The following PCDHA6 variants were observed in gnomAD, a reference collection of about 807,000 sequenced individuals.
PCDHA6 encodes protocadherin alpha-6.
A neutral mutation model predicts 60.3 loss-of-function variants in PCDHA6; 55 were observed. The observed-to-expected ratio is 0.91, with a 90% CI of 0.73 to 1.14. PCDHA6 has a LOEUF of 1.14. Among genes scored for constraint, PCDHA6 ranks in the 50% most tolerant of loss-of-function variants. The pLI is 0.00. For synonymous variants in PCDHA6, 652 were observed against 557.9 expected (o/e 1.17, Z -2.38); for missense variants, 1,327 against 1,256.5 (o/e 1.06, Z -0.85).
intron 3 of PCDHA6, among the ~76,000 whole-genome samples, chr5:140,985,991 A>G (rs575854221): frequency 2.7e-4 from 41 of 152,022 alleles, no homozygotes; most frequent in African/African-American, 9.2e-4. Context: ...CGCCCACCTC[A>G]GCCTCCCAAA....
chr5:140,850,240 T>G, intron 1 of PCDHA6: 1 of 1,593,446 alleles, frequency 6.3e-7, no homozygotes, highest in East Asian at 2.2e-5. Flanking sequence ...GAGATGGTGC[T>G]GCGGTCGGTG....
At position 140,850,397 on chromosome 5, in the gene PCDHA6, G is replaced by C. The variant is rs143469399; in HGVS notation, c.2394+19912G>C. ...TGTACACGGGCGAGATCAGCACAAC[G>C]CGTGCCCTGGACGAAACGGACGCAC... On this transcript the variant is annotated intron_variant, in intron 1 of 3. Transcript: ENST00000529310. 45 of 1,597,958 alleles carry C rather than the reference G, an allele frequency of 2.8e-5. 5 individuals are homozygous for C. In the African/African-American group the frequency reaches 5.4e-4, roughly 19 times the overall value.
chr5:140,856,177 C>T (rs200004763), intron 1 of PCDHA6: 1 of 1,598,248 alleles, frequency 6.3e-7, no homozygotes, highest in Non-Finnish European at 8.6e-7. Context: ...ACGGCACCTT[C>T]GTGGGCCGCA....
intron 1 of PCDHA6, chr5:140,875,379 G>A: frequency 1.4e-6 from 2 of 1,459,474 alleles, no homozygotes; most frequent in Non-Finnish European, 1.8e-6. Flanking sequence ...TACTAAATAT[G>A]TACTTACAGA....
intron 1 of PCDHA6, chr5:140,854,783 A>C (rs1360368863): frequency 6.7e-6 from 1 of 149,694 alleles, no homozygotes; most frequent in East Asian, 1.9e-4. Flanking sequence ...GATTTCAAGA[A>C]CTTTGAGAGA....
intron 1 of PCDHA6, among the ~76,000 whole-genome samples, chr5:140,975,395 C>T (rs2096665697): frequency 6.6e-6 from 1 of 152,246 alleles, no homozygotes; most frequent in Admixed American, 6.5e-5. Flanking sequence ...AGATCCATCA[C>T]AATCACAGTC....
At chr5:140,881,559 C>A (rs1293330721) in intron 1 of PCDHA6, among the ~76,000 whole-genome samples, 1 of 152,174 alleles carries the variant, frequency 6.6e-6, no homozygotes, top group East Asian at 1.9e-4. Context: ...ATATAAATAT[C>A]TTATCTACAT....
intron 3 of PCDHA6, among the ~76,000 whole-genome samples, chr5:140,986,633 C>T (rs566373023): frequency 5.9e-5 from 9 of 152,266 alleles, no homozygotes; most frequent in Admixed American, 3.3e-4. Context: ...GGCAACAGTA[C>T]ATTAGTTTTA....
In PCDHA6 at chr5:140,882,450, C is replaced by A. The variant is rs781827745; in HGVS notation, c.2394+51965C>A. On this transcript the variant is annotated intron_variant, in intron 1 of 3. Transcript: ENST00000529310. ...GGGCTGGAGCTGGCGGAGCTGGTGC[C>A]GCGCCTGTTCCGGGTGGCGTCCAAA... The A allele has an allele frequency of 1.7e-5, 28 of 1,613,872 alleles. No individual in the cohort carries two copies. In the East Asian group the frequency reaches 4.5e-4, roughly 26 times the overall value.
At chr5:140,881,791 T>C (rs1487248430) in intron 1 of PCDHA6, among the ~76,000 whole-genome samples, 9 of 152,204 alleles carry the variant, frequency 5.9e-5, no homozygotes, top group Admixed American at 5.9e-4. Context: ...CGATCAATTG[T>C]CCCAAAACGA....
chr5:140,850,673 G>T (rs2150493281), intron 1 of PCDHA6: 2 of 1,598,494 alleles, frequency 1.3e-6, no homozygotes, highest in African/African-American at 2.7e-5. Context: ...GCTCGGCGAT[G>T]CCCACCGAGG....
intron 1 of PCDHA6, chr5:140,835,520 T>C (rs2150237441): frequency 5.6e-6 from 9 of 1,613,956 alleles, no homozygotes; most frequent in Non-Finnish European, 6.8e-6. Flanking sequence ...ACCGAGATTT[T>C]GGAGTCAACG....
chr5:140,900,276 A>G (rs1228583402), intron 1 of PCDHA6, among the ~76,000 whole-genome samples: 1 of 151,558 alleles, frequency 6.6e-6, no homozygotes, highest in Non-Finnish European at 1.5e-5. Context: ...TATATGTACC[A>G]CACTTTCTTT....
intron 3 of PCDHA6, among the ~76,000 whole-genome samples, chr5:141,004,566 T>C (rs2098171206): frequency 6.6e-6 from 1 of 152,186 alleles, no homozygotes; most frequent in Non-Finnish European, 1.5e-5. Context: ...GATGAACATA[T>C]CTCTGTGTTC....
At chr5:140,860,269 T>C (rs1278960733) in intron 1 of PCDHA6, 1 of 151,996 alleles carries the variant, frequency 6.6e-6, no homozygotes, top group South Asian at 2.1e-4. Flanking sequence ...ACTGTAGTGC[T>C]ACTTGGGAGG....
rs376600715 is a variant in PCDHA6, at chr5:140,871,207, G to A, written c.2394+40722G>A. The stretch of plus-strand genomic sequence containing the variant: ...GGATGTCAACGTGTACCTGATCATC[G>A]CCATCTGCGTGGTGTCCAGCCTCCT... On this transcript the variant is annotated intron_variant, in intron 1 of 3. Transcript: ENST00000529310. 2.2e-5 allele frequency: 36 copies of A among 1,613,642 alleles called. No individual in the cohort carries two copies. The African/African-American group carries it at 4.0e-4, about 18-fold the overall frequency.
chr5:140,877,607 T>C (rs782533203), intron 1 of PCDHA6: 5 of 1,613,712 alleles, frequency 3.1e-6, no homozygotes. Flanking sequence ...AGCCTGCTGG[T>C]GCTCACGCTG....
At chr5:140,852,885 A>AT (rs2150523673) in intron 1 of PCDHA6, 18,210 of 741,434 alleles carry the variant, frequency 0.025, 18 homozygotes, top group Non-Finnish European at 0.027. Context: ...CATAAAACGT[A>AT]TTTTTTTTTT....
At chr5:140,970,252 T>G (rs2096392828) in intron 1 of PCDHA6, among the ~76,000 whole-genome samples, 1 of 152,234 alleles carries the variant, frequency 6.6e-6, no homozygotes, top group South Asian at 2.1e-4. Flanking sequence ...GTTGACAGTT[T>G]CTATGGTTTT....
Sources: gnomAD v4.1 joint callset for allele counts (sites outside exome capture counted in the v4.1 genomes callset) on GRCh38, gnomAD v4.1.1 for gene constraint, MANE v1.5 for transcripts, NCBI Gene and HGNC (gene_info 2026-07-23, HGNC 2026-07-21) for gene names.